CFAP74: variants seen among roughly 807,000 people sequenced by gnomAD.
CFAP74 encodes the protein cilia and flagella associated protein 74, also known as cilia- and flagella-associated protein 74.
CFAP74 carries 124 observed loss-of-function variants against 188.9 expected under a neutral mutation model. The observed-to-expected ratio is 0.66, with a 90% CI of 0.57 to 0.76. CFAP74 has a LOEUF of 0.76. Ranked by LOEUF, CFAP74 falls within the 30% of genes least tolerant of loss-of-function variation. The probability of loss-of-function intolerance (pLI) is 0.00; values close to 1 mark genes in which losing one functional copy is unlikely to be tolerated. For synonymous variants in CFAP74, 956 were observed against 916.7 expected, an observed-to-expected ratio of 1.04 and a Z score of -0.77; for missense variants, 2,198 against 2,165.2, an observed-to-expected ratio of 1.02 and a Z score of -0.30.
In CFAP74 at chr1:1,986,922, G is replaced by A. The variant is rs745494190; in HGVS notation, c.395+15C>T. 6.3e-7 allele frequency: 1 copy of A among 1,596,274 alleles called. No individual in the cohort carries two copies. Among genetic ancestry groups the A allele is most frequent in the Admixed American group, 1.7e-5 (1 of 59,860 alleles). On this transcript the variant is annotated intron_variant, in intron 5 of 38. Transcript: ENST00000682832. ...CTCATGCCCGGTTCCCTGCCCCCTG[G>A]CGAGGGCCACCTACATGTTGCCCGC...
chr1:1,961,073 C>T (rs1268884521), intron 14 of CFAP74, among the ~76,000 whole-genome samples: 1 of 152,194 alleles, frequency 6.6e-6, no homozygotes, highest in Non-Finnish European at 1.5e-5. Context: ...TGAGCAATTT[C>T]AACCGTTGAT....
chr1:1,922,416 G>A, intron 38 of CFAP74, 28 bp from the exon 39 acceptor site: 3 of 1,591,418 alleles, frequency 1.9e-6, no homozygotes, highest in Admixed American at 1.8e-5. Context: ...GGGAGAAGAG[G>A]CCTTCAGTCA....
In CFAP74 at chr1:1,944,543, T is replaced by C. The variant is rs1653619330; in HGVS notation, c.2365-91A>G. On this transcript the variant is annotated intron_variant, in intron 20 of 38. Transcript: ENST00000682832. ...ACTGACACAGCTCCCAGGAGGAACGTTTCATGGGCTTGAGTTTTCTAACTC... is the reference window on the plus strand; with the variant it reads ...ACTGACACAGCTCCCAGGAGGAACGCTTCATGGGCTTGAGTTTTCTAACTC... The C allele has an allele frequency of 4.5e-6, 6 of 1,338,614 alleles. No homozygotes were observed. In the Admixed American group the frequency reaches 1.1e-4, roughly 24 times the overall value. The allele number at this position is 1,338,614 out of a possible 1,614,324, so 82.9% of individuals were successfully genotyped here.
rs1227489867 is a variant in CFAP74, at chr1:1,986,970, G to A, written c.362C>T (p.Ala121Val). The A allele has an allele frequency of 6.2e-7, 1 of 1,601,718 alleles. No individual in the cohort carries two copies. The highest frequency in any genetic ancestry group is 8.5e-7 in the Non-Finnish European group (1 of 1,179,672). Reference sequence around the variant, plus strand: ...CGCCTCTTCCTCTGTGGCGATCTCGGCTGCCACAGCCTCCTGCTGCTTGTC... The same window carrying A: ...CGCCTCTTCCTCTGTGGCGATCTCGACTGCCACAGCCTCCTGCTGCTTGTC... ...LIDKQQEAVA[A>V]EIATEEEAGN... Residue 121 changes from alanine to valine, a missense_variant, in exon 5 of 39, where the codon GCC (alanine) becomes GTC (valine). Coordinates refer to ENST00000682832, the MANE Select transcript of CFAP74 (RefSeq NM_001304360.2).
At position 1,934,283 on chromosome 1, in the gene CFAP74, TGG is replaced by T. The variant is rs1457910664; in HGVS notation, c.3012-3949_3012-3948del. Among the ~76,000 whole-genome samples the T allele has an allele frequency of 9.1e-4, 133 of 146,054 alleles. 1 individual carries two copies. The highest frequency in any genetic ancestry group is 3.2e-3 in the African/African-American group (128 of 39,712). ...GGCTGTAGGTACACAGGTGTATACGTGGGTGTTAGGTTGTAGGTACACAGGTG... is the reference window on the plus strand; with the variant it reads ...GGCTGTAGGTACACAGGTGTATACGTGTGTTAGGTTGTAGGTACACAGGTG... On this transcript the variant is annotated intron_variant, in intron 25 of 38. Coordinates refer to ENST00000682832, the MANE Select transcript of CFAP74 (RefSeq NM_001304360.2).
intron 9 of CFAP74, among the ~76,000 whole-genome samples, chr1:1,971,379 A>C (rs77372164): frequency 6.7e-6 from 1 of 150,322 alleles, no homozygotes; most frequent in Non-Finnish European, 1.5e-5. Flanking sequence ...ACGGTCACAC[A>C]TGCACACACG....
At position 1,932,070 on chromosome 1, in the gene CFAP74, A is replaced by AAAAAAC. The variant is rs1311261085; in HGVS notation, c.3012-1735_3012-1734insGTTTTT. On this transcript the variant is annotated intron_variant, in intron 25 of 38. Transcript: ENST00000682832. ...GACAGAGTGAGACTCTCGCCTCAAAAAAAAAAAAACAAAAAACAAAAAACA... is the reference window on the plus strand; with the variant it reads ...GACAGAGTGAGACTCTCGCCTCAAAAAAAAACAAAAAAAAACAAAAAACAAAAAACA... 3.6e-5 allele frequency among the ~76,000 whole-genome samples: 3 copies of AAAAAAC among 83,314 alleles called. 1 individual carries two copies. Among genetic ancestry groups the AAAAAAC allele is most frequent in the African/African-American group, 1.1e-4 (3 of 27,664 alleles). The allele number at this position is 83,314 out of a possible 152,430, so 54.7% of individuals were successfully genotyped here.
chr1:1,999,084 G>A (rs1658070695), intron 1 of CFAP74, among the ~76,000 whole-genome samples: 1 of 152,142 alleles, frequency 6.6e-6, no homozygotes, highest in African/African-American at 2.4e-5. Flanking sequence ...AACTCGTCTG[G>A]TGAATTTTAA....
chr1:1,999,315 C>T (rs6605081), intron 1 of CFAP74, among the ~76,000 whole-genome samples: 51,321 of 151,958 alleles, frequency 0.34, 9,637 homozygotes, highest in African/African-American at 0.51. Context: ...ACGGAATGGA[C>T]ATCTTTGTCG....
chr1:1,941,496 G>A (rs557296430), intron 22 of CFAP74, among the ~76,000 whole-genome samples: 1 of 152,368 alleles, frequency 6.6e-6, no homozygotes, highest in East Asian at 1.9e-4. Flanking sequence ...TGGATTAGAC[G>A]AGGGACAGCT....
At chr1:1,952,424 C>G (rs945338939) in intron 18 of CFAP74, among the ~76,000 whole-genome samples, 5 of 151,084 alleles carry the variant, frequency 3.3e-5, no homozygotes, top group Non-Finnish European at 7.4e-5. Flanking sequence ...AGAAACGAAT[C>G]CAAATATATC....
intron 22 of CFAP74, 52 bp from the exon 23 acceptor site, chr1:1,940,455 T>G: frequency 2.3e-6 from 3 of 1,285,932 alleles, no homozygotes; most frequent in Non-Finnish European, 3.2e-6. Flanking sequence ...TTTTGTGAAA[T>G]GACAATAAGA....
chr1:1,979,568 G>A lies in CFAP74; in HGVS notation c.501-5370C>T, dbSNP rs72468220. 3.8e-3 allele frequency among the ~76,000 whole-genome samples: 509 copies of A among 133,418 alleles called. 54 individuals carry two copies. The East Asian group carries it at 0.075, about 20-fold the overall frequency. The allele number at this position is 133,418 out of a possible 152,430, so 87.5% of individuals were successfully genotyped here. On this transcript the variant is annotated intron_variant, in intron 6 of 38. Transcript: ENST00000682832. ...TGAGCTGGGCGTGGGAAGGTGTCAC[G>A]TGACGAGGCTGCGCAGAACATGCGT... is the stretch of plus-strand genomic sequence containing the variant.
At position 1,926,668 on chromosome 1, in the gene CFAP74, G is replaced by A. The variant is rs1404041721; in HGVS notation, c.3756C>T (p.Phe1252=). 8.4e-6 allele frequency: 13 copies of A among 1,550,092 alleles called. No individual in the cohort carries two copies. Among genetic ancestry groups the A allele is most frequent in the East Asian group, 4.9e-5 (2 of 40,904 alleles). The change falls in exon 30 of 39, where the codon TTC becomes TTT. Residue 1252 remains phenylalanine (F), a synonymous_variant. Coordinates refer to ENST00000682832, the MANE Select transcript of CFAP74 (RefSeq NM_001304360.2). ...GCGTCTCACCCACAGCGACGTCGCC[G>A]AAGTTAAAGATGGTCTTGCCTTTAT... ...TSHKGKTIFN[F]GDVAVGHRSI...
rs1049428715 is a variant in CFAP74, at chr1:1,975,131, G to A, written c.501-933C>T. ...CCACAGCTCTGTCCTAGACACCCGCGATCATGTTCATTTCCACTTCGTCTT... is the reference window on the plus strand; with the variant it reads ...CCACAGCTCTGTCCTAGACACCCGCAATCATGTTCATTTCCACTTCGTCTT... On this transcript the variant is annotated intron_variant, in intron 6 of 38. Transcript: ENST00000682832. The surrounding 1 kb of genome is among the most constrained non-coding windows in gnomAD (Gnocchi z 4.5). 2.0e-5 allele frequency among the ~76,000 whole-genome samples: 3 copies of A among 152,200 alleles called. No individual in the cohort carries two copies. Among genetic ancestry groups the A allele is most frequent in the East Asian group, 3.9e-4 (2 of 5,194 alleles).
chr1:1,952,527 A>C (rs1340675439), intron 18 of CFAP74, among the ~76,000 whole-genome samples: 1 of 151,878 alleles, frequency 6.6e-6, no homozygotes, highest in Non-Finnish European at 1.5e-5. Flanking sequence ...TAACACATTG[A>C]TGAGCAAGAA....
At chr1:1,941,999 T>G in intron 22 of CFAP74, 29 bp downstream of exon 22, 1 of 1,461,522 alleles carries the variant, frequency 6.8e-7, no homozygotes, top group East Asian at 2.6e-5. Flanking sequence ...CACGTCCTCC[T>G]GTCCCGGCCT....
rs1162380045 is a variant in CFAP74 at position 1,966,398 on chromosome 1, AAGCCCAG to A, written c.1367_1373del (p.Ser456PhefsTer83). ...GGTATGGCTTGTAGTCTTCATTCCA[AAGCCCAG>A]AGATCTCGGGCTCAGCTAACGTTTC... is the stretch of plus-strand genomic sequence containing the variant. On this transcript the variant is annotated frameshift_variant, in exon 12 of 39. Transcript: ENST00000682832. LOFTEE classifies it high-confidence loss of function. 1.9e-6 allele frequency: 3 copies of A among 1,587,662 alleles called. No individual in the cohort carries two copies. The highest frequency in any genetic ancestry group is 2.6e-6 in the Non-Finnish European group (3 of 1,165,114).
At chr1:1,978,813 G>A (rs1352071366) in intron 6 of CFAP74, among the ~76,000 whole-genome samples, 1 of 152,244 alleles carries the variant, frequency 6.6e-6, no homozygotes, top group African/African-American at 2.4e-5. Flanking sequence ...TGCAGTCAGG[G>A]AAGCCTCAGA....
Sources: gnomAD v4.1 joint callset for allele counts (sites outside exome capture counted in the v4.1 genomes callset) on GRCh38, gnomAD v4.1.1 for gene constraint, Gnocchi (gnomAD v3.1) non-coding constraint, MANE v1.5 for transcripts, NCBI Gene and HGNC (gene_info 2026-07-23, HGNC 2026-07-21) for gene names.